Variants in TAF1D observed in about 807,000 individuals in gnomAD.
The protein encoded by TAF1D is TATA-box binding protein associated factor, RNA polymerase I subunit D.
In TAF1D, 23 loss-of-function variants were observed where a neutral mutation model predicts 26.2. The ratio of observed to expected loss-of-function variants is 0.88; its 90% CI spans 0.63 to 1.25. TAF1D has a LOEUF of 1.25. Among genes scored for constraint, TAF1D ranks in the 50% most tolerant of loss-of-function variants. TAF1D has a pLI of 0.00. For synonymous variants in TAF1D, 100 were observed against 105.6 expected (o/e 0.95, Z 0.33); for missense variants, 299 against 322.0 (o/e 0.93, Z 0.55).
chr11:93,738,737 C>T (rs778090768), intron 2 of TAF1D, among the ~76,000 whole-genome samples: 1 of 152,106 alleles, frequency 6.6e-6, no homozygotes, highest in Non-Finnish European at 1.5e-5. Flanking sequence ...TTGCTGTCAC[C>T]CAGACTGGAG....
At chr11:93,730,853 A>G (rs1030402908), downstream of TAF1D, 5 of 419,206 alleles carry the variant, frequency 1.2e-5, no homozygotes, top group African/African-American at 4.1e-5. Flanking sequence ...AAGGGTTACA[A>G]TATAAAGGCA....
downstream of TAF1D, chr11:93,734,854 C>T (rs1007372953): frequency 4.9e-5 from 44 of 891,310 alleles, no homozygotes; most frequent in Non-Finnish European, 6.0e-5. Context: ...AAGCTCAGTG[C>T]AGCCTCCAAC....
intron 1 of TAF1D, among the ~76,000 whole-genome samples, chr11:93,740,154 C>G (rs1325072406): frequency 2.0e-5 from 3 of 151,530 alleles, no homozygotes; most frequent in Non-Finnish European, 4.4e-5. Context: ...ACAAAAAATA[C>G]GGAAATTAGC....
chr11:93,737,033 T>C (rs768974853), intron 4 of TAF1D, 31 bp downstream of exon 4: 1 of 1,525,370 alleles, frequency 6.6e-7, no homozygotes, highest in Non-Finnish European at 8.8e-7. Flanking sequence ...TTATAACCTA[T>C]TACCAAAGTA....
At chr11:93,732,603 T>C (rs2135439053), downstream of TAF1D, 1 of 375,296 alleles carries the variant, frequency 2.7e-6, no homozygotes, top group South Asian at 2.1e-5. Context: ...TAATTTGAGC[T>C]TTTTTCCTAA....
At chr11:93,739,433 G>A (rs575195675) in intron 1 of TAF1D, 102 bp from the exon 2 acceptor site, 4 of 660,706 alleles carry the variant, frequency 6.1e-6, no homozygotes, top group African/African-American at 5.5e-5. Context: ...GATTTCAGGC[G>A]AAATCATTTA....
At chr11:93,740,013 AAAAAG>A (rs944111648) in intron 1 of TAF1D, among the ~76,000 whole-genome samples, 3 of 151,774 alleles carry the variant, frequency 2.0e-5, no homozygotes, top group Non-Finnish European at 4.4e-5. Context: ...AGCTAAAAGA[AAAAAG>A]AAAAACAGGT....
At position 93,738,175 on chromosome 11, in the gene TAF1D, A is replaced by G; in HGVS notation, c.393T>C (p.Ser131=). The G allele has an allele frequency of 6.3e-7, 1 of 1,578,682 alleles. No homozygotes were observed. Among genetic ancestry groups the G allele is most frequent in the Non-Finnish European group, 8.5e-7 (1 of 1,170,754 alleles). ...TCTCTGATTCTAAAAATGGGAAGCC[A>G]GATCCTCTGCTTCTAAATTGTTTCT... is the stretch of plus-strand genomic sequence containing the variant. ...DKKKQFRSRG[S]GFPFLESENE... Residue 131 remains serine, a synonymous_variant, in exon 3 of 6, where the codon TCT becomes TCC. Transcript: ENST00000448108.
At chr11:93,731,412 T>TCCCATGC, downstream of TAF1D, 1 of 483,516 alleles carries the variant, frequency 2.1e-6, no homozygotes, top group Non-Finnish European at 4.1e-6. Context: ...CCCATTCATA[T>TCCCATGC]CCGAATTTGC....
chr11:93,734,969 G>A (rs1940389120), downstream of TAF1D: 1 of 1,095,870 alleles, frequency 9.1e-7, no homozygotes, highest in East Asian at 5.0e-5. Flanking sequence ...TTACTTTCTT[G>A]CCTAGGCTGG....
chr11:93,740,227 G>T (rs1017167794), intron 1 of TAF1D, among the ~76,000 whole-genome samples: 1 of 151,700 alleles, frequency 6.6e-6, no homozygotes, highest in African/African-American at 2.4e-5. Context: ...GAGCCTGGGA[G>T]GTGGAGCTTG....
downstream of TAF1D, chr11:93,732,326 A>T (rs760444399): frequency 1.9e-6 from 1 of 516,790 alleles, no homozygotes. Flanking sequence ...ATTTTAGAGT[A>T]TATCAAACTG....
downstream of TAF1D, chr11:93,734,700 A>T: frequency 1.6e-6 from 2 of 1,284,178 alleles, no homozygotes; most frequent in Non-Finnish European, 2.0e-6. Flanking sequence ...ATCAACATGA[A>T]ATTGGAATGC....
downstream of TAF1D, chr11:93,733,789 C>A (rs896379991): frequency 4.0e-6 from 1 of 247,962 alleles, no homozygotes; most frequent in African/African-American, 2.3e-5. Flanking sequence ...TCCAGAGTAG[C>A]TGGGGACCAC....
intron 1 of TAF1D, among the ~76,000 whole-genome samples, chr11:93,740,664 T>G (rs780825021): frequency 4.6e-5 from 7 of 152,074 alleles, no homozygotes; most frequent in Non-Finnish European, 1.0e-4. Flanking sequence ...CCCCCTGTGG[T>G]ATTTTCCTGG....
Position 93,736,030 on chromosome 11 carries a change from TTTC to T in TAF1D, c.*128_*130del, listed in dbSNP as rs545151141. On this transcript the variant is annotated 3_prime_UTR_variant, in exon 6 of 6. Coordinates refer to ENST00000448108, the MANE Select transcript of TAF1D (RefSeq NM_024116.4). ...CTTCTTCACAGGGTTAAAAATTTTT[TTTC>T]TTGTTATAAAGTTCTGGGTTTCAGA... 2.1e-4 allele frequency: 305 copies of T among 1,425,946 alleles called. No homozygotes were observed. The African/African-American group carries it at 4.1e-3, about 19-fold the overall frequency. The allele number at this position is 1,425,946 out of a possible 1,614,324, so 88.3% of individuals were successfully genotyped here.
At chr11:93,732,992 C>T (rs565577979), downstream of TAF1D, 34 of 318,964 alleles carry the variant, frequency 1.1e-4, no homozygotes, top group East Asian at 2.8e-3. Flanking sequence ...CAGTATCTTA[C>T]TAATTCTGTG....
downstream of TAF1D, chr11:93,733,356 G>T (rs74537121): frequency 5.8e-3 from 3,008 of 518,874 alleles, 67 homozygotes; most frequent in African/African-American, 0.052. Context: ...TTACCTAAGC[G>T]ATCACTCAAG....
chr11:93,731,189 A>G (rs959258687), downstream of TAF1D: 8 of 438,804 alleles, frequency 1.8e-5, no homozygotes, highest in African/African-American at 1.6e-4. Flanking sequence ...TTTAATATGG[A>G]TATACTGATG....
Sources: allele counts gnomAD v4.1 joint callset (sites outside exome capture counted in the v4.1 genomes callset), GRCh38; gene constraint gnomAD v4.1.1; transcripts MANE v1.5; gene names NCBI Gene and HGNC (gene_info 2026-07-23, HGNC 2026-07-21).